The following SLC7A1 variants were observed in gnomAD, a reference collection of about 807,000 sequenced individuals.
SLC7A1 encodes high affinity cationic amino acid transporter 1.
SLC7A1 carries 10 observed loss-of-function variants against 53.9 expected under a neutral mutation model. That is an observed-to-expected ratio of 0.19 (90% CI 0.11 to 0.31). SLC7A1 has a LOEUF of 0.31. Among genes scored for constraint, SLC7A1 ranks in the 10% least tolerant of loss-of-function variants. SLC7A1 has a pLI of 1.00. For synonymous variants in SLC7A1, 342 were observed against 338.7 expected, an observed-to-expected ratio of 1.01 and a Z score of -0.11; for missense variants, 525 against 827.2, an observed-to-expected ratio of 0.63 and a Z score of 4.48.
At chr13:29,573,404 A>C (rs1182554169) in intron 1 of SLC7A1, among the ~76,000 whole-genome samples, 1 of 152,160 alleles carries the variant, frequency 6.6e-6, no homozygotes, top group Non-Finnish European at 1.5e-5. Context: ...ATCGCGGGGA[A>C]CACCACACTC....
At chr13:29,526,330 G>T (rs1009127275) in intron 5 of SLC7A1, among the ~76,000 whole-genome samples, 6 of 152,094 alleles carry the variant, frequency 3.9e-5, no homozygotes, top group Non-Finnish European at 8.8e-5. Flanking sequence ...TGATTAGCTG[G>T]GTGTGGTGGC....
intron 8 of SLC7A1, among the ~76,000 whole-genome samples, chr13:29,521,982 C>A (rs772190905): frequency 8.5e-5 from 13 of 152,174 alleles, no homozygotes; most frequent in Non-Finnish European, 1.9e-4. Flanking sequence ...CTGTGTCATG[C>A]AGGAAGGTGT....
chr13:29,509,827 T>A lies in SLC7A1; in HGVS notation c.*4653A>T, dbSNP rs1359131500. The stretch of plus-strand genomic sequence containing the variant: ...TATTTACTGGAGAAACCACAGCTAT[T>A]CAGGTTTGATAATAAACCAACCCTC... On this transcript the variant is annotated 3_prime_UTR_variant, in exon 13 of 13. Coordinates refer to ENST00000380752, the MANE Select transcript of SLC7A1 (RefSeq NM_003045.5). The A allele has an allele frequency of 6.6e-6, 1 of 152,600 alleles. No homozygotes were observed. Among genetic ancestry groups the A allele is most frequent in the Non-Finnish European group, 1.5e-5 (1 of 68,028 alleles). The allele number at this position is 152,600 out of a possible 1,614,324, so 9.5% of individuals were successfully genotyped here.
At chr13:29,591,115 A>G (rs1872091142) in intron 1 of SLC7A1, among the ~76,000 whole-genome samples, 1 of 151,912 alleles carries the variant, frequency 6.6e-6, no homozygotes, top group Non-Finnish European at 1.5e-5. Context: ...ATCTCAAAAT[A>G]TATATATATT....
intron 5 of SLC7A1, among the ~76,000 whole-genome samples, chr13:29,525,002 C>T (rs1180044741): frequency 1.3e-5 from 2 of 152,238 alleles, no homozygotes; most frequent in Admixed American, 6.5e-5. Context: ...CGCTATGGCC[C>T]CTCCCAGGGC....
chr13:29,569,476 C>T (rs537278766), intron 1 of SLC7A1, among the ~76,000 whole-genome samples: 44 of 152,316 alleles, frequency 2.9e-4, no homozygotes, highest in African/African-American at 1.0e-3. Flanking sequence ...GCCTTAGGGG[C>T]AGTGAGCTCT....
intron 2 of SLC7A1, among the ~76,000 whole-genome samples, chr13:29,539,952 G>A (rs1333399223): frequency 6.6e-6 from 1 of 152,108 alleles, no homozygotes; most frequent in East Asian, 1.9e-4. Context: ...ACTCTGTCCT[G>A]GGTTTATTTT....
Position 29,587,754 on chromosome 13 carries a change from C to G in SLC7A1, c.-115+7662G>C, listed in dbSNP as rs1046523308. Among the ~76,000 whole-genome samples the G allele has an allele frequency of 6.6e-5, 10 of 152,364 alleles. No individual in the cohort carries two copies. The East Asian group carries it at 1.9e-3, about 29-fold the overall frequency. ...AAGGCACCACCAAGGCTGGTTAAGT[C>G]TGCCTGCTCGGTGGGCACCTGCCCA... On this transcript the variant is annotated intron_variant, in intron 1 of 12. Transcript: ENST00000380752.
intron 5 of SLC7A1, among the ~76,000 whole-genome samples, chr13:29,527,694 C>T (rs116051392): frequency 0.012 from 1,798 of 152,232 alleles, 28 homozygotes; most frequent in African/African-American, 0.04. Context: ...CTCAGCTGGT[C>T]GCTCAGAAGC....
At chr13:29,595,078 A>G (rs2139201291) in intron 1 of SLC7A1, among the ~76,000 whole-genome samples, 1 of 152,140 alleles carries the variant, frequency 6.6e-6, no homozygotes, top group Middle Eastern at 3.4e-3. Flanking sequence ...CCCCGTGCGT[A>G]GCGGCGCGCG....
intron 7 of SLC7A1, 145 bp downstream of exon 7, chr13:29,523,121 G>T: frequency 1.5e-6 from 1 of 686,128 alleles, no homozygotes; most frequent in Non-Finnish European, 2.5e-6. Flanking sequence ...CATGATCAAA[G>T]CTGGGTTGGG....
intron 1 of SLC7A1, among the ~76,000 whole-genome samples, chr13:29,563,609 G>C (rs1309723909): frequency 1.3e-5 from 2 of 152,186 alleles, no homozygotes; most frequent in African/African-American, 4.8e-5. Context: ...CCAGGCTCTG[G>C]TTTCTAAGAG....
rs1248369309 is a variant in SLC7A1 at position 29,517,603 on chromosome 13, G to T, written c.1480C>A (p.Leu494Ile). The T allele has an allele frequency of 6.2e-7, 1 of 1,614,068 alleles. No individual in the cohort carries two copies. The highest frequency in any genetic ancestry group is 1.1e-5 in the South Asian group (1 of 91,084). The change falls in exon 10 of 13, where the codon CTA (leucine) becomes ATA (isoleucine). Residue 494 changes from leucine to isoleucine, a missense_variant. Physicochemically the swap from Leu to Ile is conservative, Grantham distance 5 (BLOSUM62 2). This residue lies in a region of SLC7A1 where 122 missense variants were observed against 140.9 expected (regional missense o/e 0.87). Transcript: ENST00000380752. Reference sequence around the variant, plus strand: ...AGGCTGGTTGAAATGTTCACAATTAGCCCAGAGATTTTGGAAGGCTCCATG... The same window carrying T: ...AGGCTGGTTGAAATGTTCACAATTATCCCAGAGATTTTGGAAGGCTCCATG... ...KNMEPSKISGLIVNISTSLIA... is the reference protein window; with the variant it reads ...KNMEPSKISGIIVNISTSLIA...
intron 1 of SLC7A1, among the ~76,000 whole-genome samples, chr13:29,594,545 C>T (rs1255549393): frequency 1.3e-5 from 2 of 152,196 alleles, no homozygotes; most frequent in African/African-American, 4.8e-5. Flanking sequence ...TCTGTGTACG[C>T]GCAGGTTTTA....
At chr13:29,583,301 G>T (rs1871732879) in intron 1 of SLC7A1, among the ~76,000 whole-genome samples, 1 of 152,206 alleles carries the variant, frequency 6.6e-6, no homozygotes, top group South Asian at 2.1e-4. Flanking sequence ...TTTGGATATG[G>T]GGCAGTATTG....
rs374811061 is a variant in SLC7A1 at position 29,523,376 on chromosome 13, G to A, written c.939C>T (p.Pro313=). 6.2e-7 allele frequency: 1 copy of A among 1,613,780 alleles called. No homozygotes were observed. Among genetic ancestry groups the A allele is most frequent in the East Asian group, 2.2e-5 (1 of 44,836 alleles). The change falls in exon 7 of 13, where the codon CCC becomes CCT. Residue 313 remains proline, a synonymous_variant. Transcript: ENST00000380752. The part of the protein sequence containing the change: ...GVSAALTLMM[P]YFCLDNNSPL... ...GGCTGTTATTGTCCAGGCAGAAGTA[G>A]GGCATCATGAGCGTGAGGGCAGCCG...
In SLC7A1 at chr13:29,517,278, C is replaced by A; in HGVS notation, c.1543G>T (p.Val515Leu). ...VLIITFCIVT[V>L]LGREALTKGA... ...TTGGTGAGAGCCTCCCTTCCAAGCA[C>A]GGTCACAATGCAGAAGGTGATGATG... is the stretch of plus-strand genomic sequence containing the variant. Residue 515 changes from valine to leucine, a missense_variant, in exon 11 of 13, where the codon GTG (valine) becomes TTG (leucine). This residue lies in a region of SLC7A1 where 122 missense variants were observed against 140.9 expected (regional missense o/e 0.87). Coordinates refer to ENST00000380752, the MANE Select transcript of SLC7A1 (RefSeq NM_003045.5). 6.2e-7 allele frequency: 1 copy of A among 1,613,178 alleles called. No homozygotes were observed. The highest frequency in any genetic ancestry group is 8.5e-7 in the Non-Finnish European group (1 of 1,179,648).
At chr13:29,560,020 T>G (rs1870676684) in intron 1 of SLC7A1, among the ~76,000 whole-genome samples, 1 of 152,208 alleles carries the variant, frequency 6.6e-6, no homozygotes, top group Non-Finnish European at 1.5e-5. Flanking sequence ...CGGACCTTTT[T>G]TTTAAAACTC....
intron 1 of SLC7A1, among the ~76,000 whole-genome samples, chr13:29,562,700 T>G (rs1870813418): frequency 6.6e-6 from 1 of 152,198 alleles, no homozygotes; most frequent in South Asian, 2.1e-4. Flanking sequence ...GTTCCACTGT[T>G]ATTTGGAACC....
Sources: allele counts gnomAD v4.1 joint callset (sites outside exome capture counted in the v4.1 genomes callset), GRCh38; gene constraint gnomAD v4.1.1; regional missense constraint gnomAD v4.1.1; transcripts MANE v1.5; gene names NCBI Gene and HGNC (gene_info 2026-07-23, HGNC 2026-07-21).